DOCK10: variants seen among roughly 807,000 people sequenced by gnomAD.
DOCK10 encodes dedicator of cytokinesis protein 10.
DOCK10 carries 145 observed loss-of-function variants against 280.1 expected under a neutral mutation model. That is an observed-to-expected ratio of 0.52 (90% CI 0.45 to 0.59). The LOEUF (loss-of-function observed/expected upper bound fraction) is 0.59. Among genes scored for constraint, DOCK10 ranks in the 20% least tolerant of loss-of-function variants. The pLI is 0.00. For missense variants in DOCK10, 2,368 were observed against 2,651.7 expected, an observed-to-expected ratio of 0.89 and a Z score of 2.35; for synonymous variants, 915 against 942.2, an observed-to-expected ratio of 0.97 and a Z score of 0.53.
At chr2:224,961,513 C>CTTT (rs1559874498) in intron 1 of DOCK10, among the ~76,000 whole-genome samples, 84 of 93,984 alleles carry the variant, frequency 8.9e-4, no homozygotes, top group Middle Eastern at 5.8e-3. Flanking sequence ...CTTCTTTCTT[C>CTTT]ATTTTTTTTT....
rs148373032 is a variant in DOCK10 at position 224,842,666 on chromosome 2, A to G, written c.2569-770T>C. 3.6e-3 allele frequency among the ~76,000 whole-genome samples: 544 copies of G among 152,112 alleles called. 2 individuals are homozygous for G. Among genetic ancestry groups the G allele is most frequent in the African/African-American group, 9.7e-3 (403 of 41,486 alleles). On this transcript the variant is annotated intron_variant, in intron 22 of 55. Transcript: ENST00000258390. ...GACTAGAGACAACTGTTTTCCCTTTAAGTATCAATTCATTGATTCGTCTAT... is the reference window on the plus strand; with the variant it reads ...GACTAGAGACAACTGTTTTCCCTTTGAGTATCAATTCATTGATTCGTCTAT...
At chr2:225,015,168 G>GTT (rs536509747) in intron 1 of DOCK10, among the ~76,000 whole-genome samples, 1 of 151,018 alleles carries the variant, frequency 6.6e-6, no homozygotes, top group African/African-American at 2.4e-5. Context: ...ATAGCAGTCT[G>GTT]TTTTTTTTTA....
At chr2:225,033,910 C>T (rs1378053318) in intron 1 of DOCK10, among the ~76,000 whole-genome samples, 1 of 152,182 alleles carries the variant, frequency 6.6e-6, no homozygotes, top group Non-Finnish European at 1.5e-5. Context: ...GCCCCTTTCA[C>T]AGTTGAAGGA....
Position 224,876,108 on chromosome 2 carries a change from G to T in DOCK10, c.861C>A (p.Arg287=). The T allele has an allele frequency of 1.2e-6, 2 of 1,613,958 alleles. No individual in the cohort carries two copies. Among genetic ancestry groups the T allele is most frequent in the South Asian group, 2.2e-5 (2 of 91,084 alleles). Residue 287 remains arginine (R), a synonymous_variant, in exon 8 of 56, where the codon CGC becomes CGA. Coordinates refer to ENST00000258390, the MANE Select transcript of DOCK10 (RefSeq NM_014689.3). ...DMDEWIHTLN[R]ILQISPEGPL... ...GCCCCTCAGGACTGATTTGCAGAAT[G>T]CGGTTGAGGGTGTGGATCCATTCAT...
intron 47 of DOCK10, among the ~76,000 whole-genome samples, chr2:224,790,934 A>G (rs968682220): frequency 6.6e-6 from 1 of 152,244 alleles, no homozygotes; most frequent in Admixed American, 6.5e-5. Context: ...ATATCATAGC[A>G]TATATCATCA....
Position 224,845,653 on chromosome 2 carries a change from A to AGT in DOCK10, c.2236-12_2236-11insAC. ...TAGCTCAATTTTCACCTGCAACGAA[A>AGT]GAAACCATAGTTGGACTGAGATTAA... is the stretch of plus-strand genomic sequence containing the variant. On this transcript the variant is annotated splice_polypyrimidine_tract_variant and intron_variant, in intron 19 of 55. Coordinates refer to ENST00000258390, the MANE Select transcript of DOCK10 (RefSeq NM_014689.3). 1 of 1,606,588 alleles carries AGT rather than the reference A, an allele frequency of 6.2e-7. No homozygotes were observed. Among genetic ancestry groups the AGT allele is most frequent in the Non-Finnish European group, 8.5e-7 (1 of 1,177,080 alleles).
intron 40 of DOCK10, among the ~76,000 whole-genome samples, chr2:224,800,780 T>C (rs1311347354): frequency 6.6e-6 from 1 of 152,188 alleles, no homozygotes; most frequent in East Asian, 1.9e-4. Context: ...TGAGTGACAA[T>C]GGCCTGTGAC....
At chr2:224,999,672 G>T (rs1215826210) in intron 1 of DOCK10, among the ~76,000 whole-genome samples, 1 of 149,824 alleles carries the variant, frequency 6.7e-6, no homozygotes, top group African/African-American at 2.5e-5. Flanking sequence ...AAAATAATAT[G>T]ATTCCCTCTT....
intron 1 of DOCK10, among the ~76,000 whole-genome samples, chr2:225,033,820 T>C (rs1025935114): frequency 1.3e-5 from 2 of 152,206 alleles, no homozygotes; most frequent in Non-Finnish European, 2.9e-5. Context: ...AGATGTAATG[T>C]TGCAACCCAA....
At chr2:224,931,788 G>T in intron 1 of DOCK10, 120 bp from the exon 2 acceptor site, 1 of 1,113,968 alleles carries the variant, frequency 9.0e-7, no homozygotes, top group South Asian at 2.0e-5. Flanking sequence ...TCCTTCCAAT[G>T]CAGTCACAGA....
intron 1 of DOCK10, among the ~76,000 whole-genome samples, chr2:225,019,588 C>A (rs149851140): frequency 6.6e-6 from 1 of 151,954 alleles, no homozygotes; most frequent in Non-Finnish European, 1.5e-5. Flanking sequence ...ATCTGGTTCC[C>A]GCTGCTCAAT....
intron 39 of DOCK10, among the ~76,000 whole-genome samples, chr2:224,802,443 T>C (rs1421835896): frequency 1.3e-5 from 2 of 152,160 alleles, no homozygotes; most frequent in African/African-American, 2.4e-5. Context: ...AAGAGATAAG[T>C]GTAAAATCAG....
intron 1 of DOCK10, among the ~76,000 whole-genome samples, chr2:224,994,189 T>C (rs1043474878): frequency 2.6e-5 from 4 of 152,196 alleles, no homozygotes; most frequent in African/African-American, 9.7e-5. Flanking sequence ...ATATAAAGCT[T>C]CAAAATCAAG....
chr2:224,916,739 G>T lies in DOCK10; in HGVS notation c.289C>A (p.Pro97Thr). The change falls in exon 3 of 56, where the codon CCT (proline) becomes ACT (threonine). Residue 97 changes from proline (P) to threonine (T), a missense_variant. Pro to Thr is a conservative substitution (Grantham distance 38, BLOSUM62 -1). Around this residue, in one of 2 missense-constraint regions of DOCK10, gnomAD observed 1,209 missense variants for 1,250.9 expected, o/e 0.97. Transcript: ENST00000258390. ...TCTGCCTTGTGCTCTGCATCTTCAG[G>T]TACTGTTGAGTACAACGTGCGGATA... ...WDIRTLYSTV[P>T]EDAEHKAENL... 6 of 1,611,318 alleles carry T rather than the reference G, an allele frequency of 3.7e-6. No individual in the cohort carries two copies. Among genetic ancestry groups the T allele is most frequent in the Non-Finnish European group, 5.1e-6 (6 of 1,178,724 alleles).
intron 27 of DOCK10, among the ~76,000 whole-genome samples, chr2:224,825,132 C>T (rs938392859): frequency 5.3e-5 from 8 of 151,996 alleles, no homozygotes; most frequent in Non-Finnish European, 1.2e-4. Flanking sequence ...GCACCTGCCA[C>T]CACACCTGGC....
intron 3 of DOCK10, 135 bp downstream of exon 3, chr2:224,916,560 A>G (rs977894394): frequency 9.5e-6 from 5 of 525,788 alleles, no homozygotes; most frequent in Middle Eastern, 5.4e-4. Context: ...AAAAAAAAAA[A>G]AAGACATCCA....
intron 2 of DOCK10, among the ~76,000 whole-genome samples, chr2:224,928,210 A>T (rs1318040812): frequency 1.3e-5 from 2 of 152,110 alleles, no homozygotes; most frequent in African/African-American, 2.4e-5. Flanking sequence ...GAGGATAAAA[A>T]CCAAAAATGC....
At chr2:224,867,035 T>C (rs1416734692) in intron 11 of DOCK10, among the ~76,000 whole-genome samples, 1 of 151,884 alleles carries the variant, frequency 6.6e-6, no homozygotes, top group Admixed American at 6.6e-5. Context: ...CACAGGGATA[T>C]CATTGCTTCT....
At chr2:224,836,028 C>T (rs893610974) in intron 25 of DOCK10, among the ~76,000 whole-genome samples, 3 of 152,168 alleles carry the variant, frequency 2.0e-5, no homozygotes, top group Non-Finnish European at 4.4e-5. Context: ...AAGAGCTAGC[C>T]TTGGTAATCA....
Sources: allele counts gnomAD v4.1 joint callset (sites outside exome capture counted in the v4.1 genomes callset), GRCh38; gene constraint gnomAD v4.1.1; regional missense constraint gnomAD v4.1.1; transcripts MANE v1.5; gene names NCBI Gene and HGNC (gene_info 2026-07-23, HGNC 2026-07-21).